The following PMM2 variants were observed in gnomAD, a reference collection of about 807,000 sequenced individuals.
PMM2 encodes mannose-6-phosphate isomerase.
A neutral mutation model predicts 33.2 loss-of-function variants in PMM2; 35 were observed. That is an observed-to-expected ratio of 1.06 (90% CI 0.81 to 1.40). The LOEUF (loss-of-function observed/expected upper bound fraction) is 1.40. Among genes scored for constraint, PMM2 ranks in the 40% most tolerant of loss-of-function variants. The pLI, the probability that PMM2 is intolerant of heterozygous loss-of-function variation, is 0.00. For synonymous variants in PMM2, 153 were observed against 114.7 expected (o/e 1.33, Z -2.13); for missense variants, 386 against 306.0 (o/e 1.26, Z -1.95).
At chr16:8,808,859 G>A (rs1458751825) in intron 4 of PMM2, 2 of 152,228 alleles carry the variant, frequency 1.3e-5, no homozygotes, top group African/African-American at 2.4e-5. Context: ...ACTCCGGGAC[G>A]GCCTGGACAT....
At chr16:8,802,635 C>T (rs981847734) in intron 2 of PMM2, among the ~76,000 whole-genome samples, 8 of 151,946 alleles carry the variant, frequency 5.3e-5, no homozygotes, top group African/African-American at 1.9e-4. Flanking sequence ...TTGAGACCAG[C>T]CTGGCCGACA....
chr16:8,800,698 TTTTGA>T (rs983202314), intron 1 of PMM2, among the ~76,000 whole-genome samples: 2 of 151,996 alleles, frequency 1.3e-5, no homozygotes, highest in African/African-American at 2.4e-5. Context: ...TTTTGTTTTG[TTTTGA>T]GACGAAGTCT....
intron 7 of PMM2, chr16:8,829,060 C>T (rs565247086): frequency 9.2e-5 from 14 of 152,344 alleles, no homozygotes; most frequent in African/African-American, 3.4e-4. Flanking sequence ...TCACTGCAGC[C>T]TCCACCCACC....
intron 7 of PMM2, among the ~76,000 whole-genome samples, chr16:8,846,053 G>T (rs1192249548): frequency 6.6e-6 from 1 of 152,188 alleles, no homozygotes; most frequent in Admixed American, 6.5e-5. Context: ...GTACAAAACT[G>T]TGTAAGGCCA....
At chr16:8,831,011 C>T (rs2060806403) in intron 7 of PMM2, among the ~76,000 whole-genome samples, 1 of 152,188 alleles carries the variant, frequency 6.6e-6, no homozygotes, top group Non-Finnish European at 1.5e-5. Flanking sequence ...TGGTGGTGCA[C>T]ACCTGTAATC....
At position 8,843,986 on chromosome 16, in the gene PMM2, A is replaced by G. The variant is rs558443847; in HGVS notation, c.640-3738A>G. On this transcript the variant is annotated intron_variant, in intron 7 of 7. Transcript: ENST00000268261. ...AGAAGGAAGATTTGGGACGAGTTGCACTGGGCACAGAGACTAGGAAGGGAC... is the reference window on the plus strand; with the variant it reads ...AGAAGGAAGATTTGGGACGAGTTGCGCTGGGCACAGAGACTAGGAAGGGAC... 2.6e-5 allele frequency among the ~76,000 whole-genome samples: 4 copies of G among 152,286 alleles called. No homozygotes were observed. In the South Asian group the frequency reaches 8.3e-4, roughly 32 times the overall value.
intron 7 of PMM2, among the ~76,000 whole-genome samples, chr16:8,822,988 C>G (rs2060746503): frequency 6.6e-6 from 1 of 152,162 alleles, no homozygotes; most frequent in South Asian, 2.1e-4. Context: ...CATGGGGTTA[C>G]TAGCAGAGAG....
chr16:8,823,573 A>G (rs961778907), intron 7 of PMM2, among the ~76,000 whole-genome samples: 3 of 150,808 alleles, frequency 2.0e-5, no homozygotes, highest in Admixed American at 6.7e-5. Flanking sequence ...GTAAAGCAAG[A>G]ATAATTGTTT....
Position 8,806,310 on chromosome 16 carries a change from A to C in PMM2, c.256-6A>C, listed in dbSNP as rs368572910. The C allele has an allele frequency of 1.9e-6, 3 of 1,562,270 alleles. No homozygotes were observed. Among genetic ancestry groups the C allele is most frequent in the Non-Finnish European group, 2.6e-6 (3 of 1,132,786 alleles). On this transcript the variant is annotated splice_polypyrimidine_tract_variant and splice_region_variant and intron_variant, in intron 3 of 7. Transcript: ENST00000268261. Reference sequence around the variant, plus strand: ...ATCAAGTAACTCAAGTATTTTCTTCATCTAGAATATTCAAAGTCATCTGGG... The same window carrying C: ...ATCAAGTAACTCAAGTATTTTCTTCCTCTAGAATATTCAAAGTCATCTGGG...
In PMM2 at chr16:8,811,656, A is replaced by T; in HGVS notation, c.466A>T (p.Lys156Ter). The change falls in exon 6 of 8, where the codon AAG becomes TAG. Residue 156 changes from lysine (K) to a stop codon, truncating the protein, a stop_gained. Transcript: ENST00000268261. LOFTEE classifies it high-confidence loss of function. Reference sequence around the variant, plus strand: ...TTCTCAGAAAGAAAATATAAGACAAAAGTTTGTAGCAGATCTACGGAAAGA... The same window carrying T: ...TTCTCAGAAAGAAAATATAAGACAATAGTTTGTAGCAGATCTACGGAAAGA... ...ELDKKENIRQKFVADLRKEFA... is the reference protein window; with the variant it reads ...ELDKKENIRQ The T allele has an allele frequency of 6.2e-7, 1 of 1,612,244 alleles. No homozygotes were observed. The highest frequency in any genetic ancestry group is 8.5e-7 in the Non-Finnish European group (1 of 1,178,290).
intron 7 of PMM2, among the ~76,000 whole-genome samples, chr16:8,844,414 C>T (rs957992820): frequency 2.6e-5 from 4 of 151,782 alleles, no homozygotes; most frequent in African/African-American, 9.7e-5. Context: ...CACAGAGATA[C>T]GAGTTTGGGG....
intron 7 of PMM2, among the ~76,000 whole-genome samples, chr16:8,831,692 A>G (rs1204943419): frequency 6.6e-6 from 1 of 152,200 alleles, no homozygotes; most frequent in East Asian, 1.9e-4. Context: ...GTTCACTGCT[A>G]CACTGCACAG....
intron 7 of PMM2, among the ~76,000 whole-genome samples, chr16:8,839,814 C>A (rs2060877189): frequency 6.6e-6 from 1 of 151,380 alleles, no homozygotes; most frequent in African/African-American, 2.4e-5. Context: ...CCGAGAGATA[C>A]ATATAGGAGC....
intron 2 of PMM2, chr16:8,802,259 A>T (rs1420131354): frequency 2.2e-6 from 1 of 452,198 alleles, no homozygotes; most frequent in Non-Finnish European, 4.4e-6. Flanking sequence ...TCCCTCTGAC[A>T]GCCCCCCTCA....
chr16:8,838,845 C>G (rs2060870502), intron 7 of PMM2, among the ~76,000 whole-genome samples: 1 of 151,848 alleles, frequency 6.6e-6, no homozygotes, highest in South Asian at 2.1e-4. Context: ...TTTATGTTGT[C>G]ATACATCAGG....
chr16:8,810,823 T>G lies in PMM2; in HGVS notation c.348-256T>G. ...TGAGCATTTTAACACAAAGTCAATA[T>G]ACAACATGATTGATGCAATTACATT... On this transcript the variant is annotated intron_variant, in intron 4 of 7. Coordinates refer to ENST00000268261, the MANE Select transcript of PMM2 (RefSeq NM_000303.3). The G allele has an allele frequency of 5.7e-6, 3 of 525,550 alleles. No individual in the cohort carries two copies. The South Asian group carries it at 6.2e-5, about 11-fold the overall frequency. The allele number at this position is 525,550 out of a possible 1,614,324, so 32.6% of individuals were successfully genotyped here.
chr16:8,845,592 T>G (rs1038492496), intron 7 of PMM2, among the ~76,000 whole-genome samples: 9 of 152,110 alleles, frequency 5.9e-5, no homozygotes, highest in African/African-American at 1.7e-4. Flanking sequence ...TTGTTTGTTT[T>G]TTTTTCTTTT....
chr16:8,805,465 A>T (rs965481589), intron 3 of PMM2, among the ~76,000 whole-genome samples: 2 of 151,580 alleles, frequency 1.3e-5, no homozygotes, highest in African/African-American at 4.9e-5. Flanking sequence ...GGCACAGGTG[A>T]TCCTCTGCCT....
At chr16:8,799,388 T>A (rs550226943) in intron 1 of PMM2, among the ~76,000 whole-genome samples, 1 of 152,188 alleles carries the variant, frequency 6.6e-6, no homozygotes, top group Admixed American at 6.5e-5. Context: ...AGAACTAACC[T>A]CCTCAGTTTC....
Sources: gnomAD v4.1 joint callset for allele counts (sites outside exome capture counted in the v4.1 genomes callset) on GRCh38, gnomAD v4.1.1 for gene constraint, MANE v1.5 for transcripts, NCBI Gene and HGNC (gene_info 2026-07-23, HGNC 2026-07-21) for gene names.